Variants in USP47 observed in about 807,000 individuals in gnomAD.
USP47 encodes ubiquitin specific peptidase 47, also known as ubiquitin carboxyl-terminal hydrolase 47.
A neutral mutation model predicts 165.1 loss-of-function variants in USP47; 35 were observed. The ratio of observed to expected loss-of-function variants is 0.21; its 90% CI spans 0.16 to 0.28. The LOEUF (loss-of-function observed/expected upper bound fraction) is 0.28, where lower values mean the gene tolerates loss of function less well. USP47 is among the 10% of genes least tolerant of loss of function. The pLI is 1.00. For missense variants in USP47, 1,277 were observed against 1,607.4 expected, an observed-to-expected ratio of 0.79 and a Z score of 3.52; for synonymous variants, 531 against 544.5, an observed-to-expected ratio of 0.98 and a Z score of 0.35.
chr11:11,940,278 A>T, intron 18 of USP47, 151 bp from the exon 19 acceptor site: 1 of 711,764 alleles, frequency 1.4e-6, no homozygotes, highest in Non-Finnish European at 2.1e-6. Flanking sequence ...TTTTCCCTTC[A>T]ATTATTCAAA....
chr11:11,882,775 C>T (rs1015633776), intron 2 of USP47, among the ~76,000 whole-genome samples: 2 of 152,164 alleles, frequency 1.3e-5, no homozygotes, highest in Non-Finnish European at 2.9e-5. Context: ...CTGTGTCTTT[C>T]CATTTCCAAT....
At chr11:11,893,975 G>A (rs1482498358) in intron 4 of USP47, among the ~76,000 whole-genome samples, 1 of 152,106 alleles carries the variant, frequency 6.6e-6, no homozygotes, top group Non-Finnish European at 1.5e-5. Flanking sequence ...ACCTGATTAT[G>A]TTTGGTATTT....
chr11:11,941,855 C>T lies in USP47; in HGVS notation c.2314-480C>T, dbSNP rs538977569. On this transcript the variant is annotated intron_variant, in intron 19 of 27. Transcript: ENST00000527733. The stretch of plus-strand genomic sequence containing the variant: ...TGTGTCTTTTTTGTTTGCTTCCTTG[C>T]AGTTTGTTACAAAGCCAAGTCATTT... Among the ~76,000 whole-genome samples the T allele has an allele frequency of 5.3e-5, 8 of 151,890 alleles. No individual in the cohort carries two copies. The South Asian group carries it at 1.7e-3, about 31-fold the overall frequency.
chr11:11,948,127 T>G lies in USP47; in HGVS notation c.3267+7T>G, dbSNP rs773696844. 2 of 1,599,256 alleles carry G rather than the reference T, an allele frequency of 1.3e-6. No homozygotes were observed. The highest frequency in any genetic ancestry group is 1.1e-5 in the South Asian group (1 of 87,886). ...ATTTTCTGATGACAATAAGGTTGAT[T>G]AAAATAATCTTCGAGTAGTTAGAGT... is the stretch of plus-strand genomic sequence containing the variant. On this transcript the variant is annotated splice_region_variant and intron_variant, in intron 21 of 27. Transcript: ENST00000527733.
At chr11:11,943,403 AAAT>A (rs1590438148) in intron 20 of USP47, 1 of 196,058 alleles carries the variant, frequency 5.1e-6, no homozygotes, top group East Asian at 1.2e-4. Context: ...ATTAAAAAGT[AAAT>A]AATATTTTTT....
intron 10 of USP47, 42 bp downstream of exon 10, chr11:11,920,536 T>C: frequency 6.4e-7 from 1 of 1,552,980 alleles, no homozygotes; most frequent in Non-Finnish European, 8.7e-7. Flanking sequence ...TTAATCCACA[T>C]TAGTCAGTCA....
At chr11:11,865,871 T>C (rs1849648437) in intron 1 of USP47, among the ~76,000 whole-genome samples, 1 of 152,134 alleles carries the variant, frequency 6.6e-6, no homozygotes, top group Non-Finnish European at 1.5e-5. Context: ...AATCAGGGTG[T>C]TAGGGTTTTT....
chr11:11,949,962 C>T lies in USP47; in HGVS notation c.3422C>T (p.Pro1141Leu). Residue 1141 changes from proline to leucine, a missense_variant, in exon 23 of 28, where the codon CCT (proline) becomes CTT (leucine). Pro to Leu is a moderately conservative substitution (Grantham distance 98). Around this residue, in one of 4 missense-constraint regions of USP47, gnomAD observed 909 missense variants for 1,068.1 expected, o/e 0.85. Transcript: ENST00000527733. ...CGGCAATCAAAAGAGGAATTAATTC[C>T]TCAGCTCAGGGAGCAATGTGGTTTA... ...TVRQSKEELI[P>L]QLREQCGLEL... is the part of the protein sequence containing the mutation. 6.2e-7 allele frequency: 1 copy of T among 1,612,704 alleles called. No individual in the cohort carries two copies. The highest frequency in any genetic ancestry group is 8.5e-7 in the Non-Finnish European group (1 of 1,179,216).
At chr11:11,935,696 G>T (rs1214973798) in intron 16 of USP47, among the ~76,000 whole-genome samples, 2 of 151,888 alleles carry the variant, frequency 1.3e-5, no homozygotes, top group Non-Finnish European at 2.9e-5. Flanking sequence ...CAAGAGAGTT[G>T]TTGCAACCAG....
intron 22 of USP47, 125 bp from the exon 23 acceptor site, chr11:11,949,764 A>AT (rs1590459025): frequency 1.6e-6 from 1 of 618,670 alleles, no homozygotes. Context: ...AAAAAGGAAG[A>AT]TAGACTCTGA....
rs554244927 is a variant in USP47, at chr11:11,908,867, T to C, written c.969+3319T>C. On this transcript the variant is annotated intron_variant, in intron 8 of 27. Coordinates refer to ENST00000527733, the MANE Select transcript of USP47 (RefSeq NM_001282659.2). ...TTGAGTTCTGTTCAATACTAGTCTG[T>C]AAAAGGATTTAGTAGATATTTTGGG... Among the ~76,000 whole-genome samples the C allele has an allele frequency of 1.5e-3, 236 of 152,304 alleles. 6 individuals are homozygous for C. In the South Asian group the frequency reaches 0.048, roughly 31 times the overall value.
At chr11:11,906,859 C>T (rs2134478071) in intron 8 of USP47, among the ~76,000 whole-genome samples, 1 of 152,002 alleles carries the variant, frequency 6.6e-6, no homozygotes, top group East Asian at 1.9e-4. Context: ...GACTGATTTC[C>T]TAACTAATTT....
chr11:11,943,143 A>G (rs771135521), intron 20 of USP47, 31 bp downstream of exon 20: 1 of 1,563,284 alleles, frequency 6.4e-7, no homozygotes, highest in South Asian at 1.2e-5. Flanking sequence ...ACGGTCCTTG[A>G]AACAGCATCA....
intron 20 of USP47, among the ~76,000 whole-genome samples, chr11:11,945,510 A>G (rs989284763): frequency 8.5e-5 from 13 of 152,222 alleles, no homozygotes; most frequent in Admixed American, 3.3e-4. Flanking sequence ...TCATTCTCTG[A>G]GAACACTGTC....
At chr11:11,878,815 A>G (rs1360603058) in intron 1 of USP47, among the ~76,000 whole-genome samples, 2 of 152,180 alleles carry the variant, frequency 1.3e-5, no homozygotes, top group Non-Finnish European at 2.9e-5. Context: ...CACAGAAACA[A>G]ATGATAATTG....
chr11:11,930,156 A>G (rs1310515787), intron 13 of USP47, 36 bp downstream of exon 13: 7 of 1,537,886 alleles, frequency 4.6e-6, no homozygotes, highest in Non-Finnish European at 6.3e-6. Flanking sequence ...TTTAAAAGTT[A>G]GAATTAATTA....
chr11:11,842,269 C>G (rs1396356680), intron 1 of USP47, 45 bp downstream of exon 1: 4 of 1,543,672 alleles, frequency 2.6e-6, no homozygotes, highest in Middle Eastern at 1.7e-4. Context: ...TGCGGCCGCT[C>G]GAGGCAACAC....
intron 14 of USP47, among the ~76,000 whole-genome samples, chr11:11,932,093 A>T (rs527786000): frequency 2.0e-5 from 3 of 152,160 alleles, no homozygotes; most frequent in Non-Finnish European, 4.4e-5. Context: ...CCAGCTTCTG[A>T]TGAAGCCTCA....
At chr11:11,930,874 AATT>A (rs1255571401) in intron 14 of USP47, 123 bp downstream of exon 14, 3 of 668,404 alleles carry the variant, frequency 4.5e-6, no homozygotes, top group Non-Finnish European at 7.2e-6. Flanking sequence ...TGCCTGGAAG[AATT>A]ATTTACAAAG....
Sources: allele counts gnomAD v4.1 joint callset (sites outside exome capture counted in the v4.1 genomes callset), GRCh38; gene constraint gnomAD v4.1.1; regional missense constraint gnomAD v4.1.1; transcripts MANE v1.5; gene names NCBI Gene and HGNC (gene_info 2026-07-23, HGNC 2026-07-21).